The following ZNF385C variants were observed in gnomAD, a reference collection of about 807,000 sequenced individuals.
ZNF385C encodes the protein zinc finger protein 385C, also known as CTD-2132N18.2.
ZNF385C carries 28 observed loss-of-function variants against 35.4 expected under a neutral mutation model. The ratio of observed to expected loss-of-function variants is 0.79; its 90% confidence interval spans 0.59 to 1.08. The LOEUF is 1.08. Among genes scored for constraint, ZNF385C ranks in the 50% least tolerant of loss-of-function variants. The probability of loss-of-function intolerance (pLI) is 0.00; values close to 1 mark genes in which losing one functional copy is unlikely to be tolerated. For synonymous variants in ZNF385C, 248 were observed against 248.2 expected (o/e 1.00, Z 0.01); for missense variants, 605 against 595.6 (o/e 1.02, Z -0.16).
At chr17:42,029,327 C>CA (rs1290394349) in intron 5 of ZNF385C, among the ~76,000 whole-genome samples, 1 of 152,084 alleles carries the variant, frequency 6.6e-6, no homozygotes, top group East Asian at 1.9e-4. Flanking sequence ...CAGAGATCAC[C>CA]AAAAAAGATG....
chr17:42,064,722 G>A (rs1308256897), intron 1 of ZNF385C, among the ~76,000 whole-genome samples: 7 of 152,148 alleles, frequency 4.6e-5, no homozygotes, highest in African/African-American at 1.4e-4. Context: ...CCGCCACCAC[G>A]CCCAGCTAAT....
rs1487290412 is a variant in ZNF385C, at chr17:42,087,546, T to C, written c.-3+10864A>G. ...TTATCTGCAGCTCTCTGAAAAGAGT[T>C]TTAAAGACAAAACAAGATAAAACAC... is the stretch of plus-strand genomic sequence containing the variant. On this transcript the variant is annotated intron_variant, in intron 1 of 8. Coordinates refer to ENST00000692273, the MANE Select transcript of ZNF385C (RefSeq NM_001392013.1). 2.0e-5 allele frequency among the ~76,000 whole-genome samples: 3 copies of C among 152,154 alleles called. No individual in the cohort carries two copies. In the East Asian group the frequency reaches 5.8e-4, roughly 29 times the overall value.
At chr17:42,068,070 A>G (rs1404620477) in intron 1 of ZNF385C, among the ~76,000 whole-genome samples, 1 of 152,122 alleles carries the variant, frequency 6.6e-6, no homozygotes, top group African/African-American at 2.4e-5. Context: ...GGCCTGCTGC[A>G]GCCTGCCCTG....
At chr17:42,052,134 G>A (rs2053293926) in intron 2 of ZNF385C, among the ~76,000 whole-genome samples, 1 of 152,178 alleles carries the variant, frequency 6.6e-6, no homozygotes, top group South Asian at 2.1e-4. Context: ...TTAGCTAACT[G>A]CCTCAAGAGG....
intron 2 of ZNF385C, among the ~76,000 whole-genome samples, chr17:42,057,393 G>A (rs1195887487): frequency 2.0e-5 from 3 of 152,180 alleles, no homozygotes; most frequent in African/African-American, 4.8e-5. Flanking sequence ...GTCCCCCGAT[G>A]CCCTGTGCTG....
chr17:42,066,060 T>C (rs1555658425), intron 1 of ZNF385C, among the ~76,000 whole-genome samples: 15 of 151,444 alleles, frequency 9.9e-5, no homozygotes. Flanking sequence ...TGTTTGTCTG[T>C]TTTGTTTTGT....
chr17:42,027,999 C>T, intron 7 of ZNF385C, 51 bp downstream of exon 7: 1 of 1,590,374 alleles, frequency 6.3e-7, no homozygotes, highest in Admixed American at 1.7e-5. Context: ...TGCCCTGCCC[C>T]CCAACCCCCT....
chr17:42,092,757 G>C (rs570378189), intron 1 of ZNF385C, among the ~76,000 whole-genome samples: 47 of 152,324 alleles, frequency 3.1e-4, no homozygotes, highest in African/African-American at 1.1e-3. Flanking sequence ...AGCAGGGAGT[G>C]GGGGAGTGTC....
chr17:42,078,617 C>G (rs1555659467), intron 1 of ZNF385C, among the ~76,000 whole-genome samples: 1 of 151,904 alleles, frequency 6.6e-6, no homozygotes, highest in African/African-American at 2.4e-5. Context: ...CAAAAAGAAG[C>G]AGCAGCAGCT....
Position 42,026,695 on chromosome 17 carries a change from AAC to A in ZNF385C, c.*200_*201del. The stretch of plus-strand genomic sequence containing the variant: ...GGGAAATGCAGGCAAGCCTAGGATT[AAC>A]CCTGGAAGGCCTGCGAAAGGAGGGT... On this transcript the variant is annotated 3_prime_UTR_variant, in exon 9 of 9. Transcript: ENST00000692273. The A allele has an allele frequency of 1.6e-6, 1 of 622,982 alleles. No homozygotes were observed. Among genetic ancestry groups the A allele is most frequent in the Non-Finnish European group, 2.9e-6 (1 of 349,800 alleles). The allele number at this position is 622,982 out of a possible 1,614,324, so 38.6% of individuals were successfully genotyped here. A position where few individuals can be genotyped will look rare whatever the true frequency, so the allele number is the denominator to read the frequency against.
intron 1 of ZNF385C, among the ~76,000 whole-genome samples, chr17:42,074,456 A>G (rs1221504995): frequency 2.0e-5 from 3 of 151,966 alleles, no homozygotes; most frequent in Non-Finnish European, 2.9e-5. Flanking sequence ...CAATGGCACA[A>G]TCTTGGCTCA....
At chr17:42,072,804 C>A (rs1056560965) in intron 1 of ZNF385C, among the ~76,000 whole-genome samples, 1 of 152,126 alleles carries the variant, frequency 6.6e-6, no homozygotes, top group Non-Finnish European at 1.5e-5. Flanking sequence ...AGAGGGGAGA[C>A]TCGGAGGCTC....
chr17:42,054,825 A>G (rs2053347102), intron 2 of ZNF385C, among the ~76,000 whole-genome samples: 1 of 151,876 alleles, frequency 6.6e-6, no homozygotes, highest in South Asian at 2.1e-4. Context: ...CAAATGATCC[A>G]CCTGCCTTGG....
intron 2 of ZNF385C, among the ~76,000 whole-genome samples, chr17:42,045,277 T>C (rs909113251): frequency 2.0e-5 from 3 of 152,184 alleles, no homozygotes; most frequent in Non-Finnish European, 4.4e-5. Context: ...GGTCTCGATC[T>C]CCTGACCTTG....
intron 5 of ZNF385C, 83 bp downstream of exon 5, chr17:42,031,536 A>C (rs919011820): frequency 2.0e-6 from 3 of 1,467,906 alleles, no homozygotes; most frequent in Non-Finnish European, 2.7e-6. Context: ...ACAAGCAAAA[A>C]GAATAAGCAG....
At position 42,037,848 on chromosome 17, in the gene ZNF385C, G is replaced by A; in HGVS notation, c.288C>T (p.Ala96=). Residue 96 remains alanine, a synonymous_variant, in exon 3 of 9, where the codon GCC becomes GCT. Coordinates refer to ENST00000692273, the MANE Select transcript of ZNF385C (RefSeq NM_001392013.1). ...GAGGCCGGGTGGGCAGGGGCAGGGA[G>A]GCCAGCAGGGGGCTGGGGGCGCCGG... ...PASGAPSPLL[A]SLPLPTRPLQ... is the part of the protein sequence containing the mutation. The A allele has an allele frequency of 6.6e-7, 1 of 1,518,176 alleles. No individual in the cohort carries two copies. Among genetic ancestry groups the A allele is most frequent in the Non-Finnish European group, 8.8e-7 (1 of 1,131,226 alleles). 94.0% of individuals were successfully genotyped at this position (1,518,176 alleles called of 1,614,324 possible).
At chr17:42,037,204 C>A (rs2052875045) in intron 3 of ZNF385C, among the ~76,000 whole-genome samples, 1 of 152,126 alleles carries the variant, frequency 6.6e-6, no homozygotes, top group Non-Finnish European at 1.5e-5. Context: ...GCCAAACACA[C>A]AAAAGACACA....
chr17:42,041,050 C>T (rs2053006982), intron 2 of ZNF385C: 13 of 1,232,350 alleles, frequency 1.1e-5, no homozygotes, highest in Middle Eastern at 3.1e-4. Context: ...CTGGCCATCA[C>T]AGGGGGACAC....
At chr17:42,060,768 T>C (rs1555657943) in intron 2 of ZNF385C, among the ~76,000 whole-genome samples, 1 of 152,116 alleles carries the variant, frequency 6.6e-6, no homozygotes, top group African/African-American at 2.4e-5. Flanking sequence ...CCGGCTGGAG[T>C]GCAATGGTGT....
Sources: allele counts gnomAD v4.1 joint callset (sites outside exome capture counted in the v4.1 genomes callset), GRCh38; gene constraint gnomAD v4.1.1; transcripts MANE v1.5; gene names NCBI Gene and HGNC (gene_info 2026-07-23, HGNC 2026-07-21).